BRAF: variants seen among roughly 807,000 people sequenced by gnomAD.
BRAF encodes the protein serine/threonine-protein kinase B-raf.
Under a neutral mutation model 104.6 loss-of-function variants are expected in BRAF, and 16 were observed. That is an observed-to-expected ratio of 0.15 (90% CI 0.10 to 0.23). The LOEUF is 0.23. BRAF is among the 10% of genes least tolerant of loss of function. The probability of loss-of-function intolerance (pLI) is 1.00; values close to 1 mark genes in which losing one functional copy is unlikely to be tolerated. For missense variants in BRAF, 541 were observed against 937.3 expected (o/e 0.58, Z 5.52); for synonymous variants, 310 against 341.6 (o/e 0.91, Z 1.02).
intron 1 of BRAF, among the ~76,000 whole-genome samples, chr7:140,907,984 A>T (rs1257174727): frequency 6.6e-6 from 1 of 152,006 alleles, no homozygotes; most frequent in Non-Finnish European, 1.5e-5. Context: ...ACCTCAGGTG[A>T]TCCGCCTGCC....
intron 19 of BRAF, among the ~76,000 whole-genome samples, chr7:140,728,007 C>G (rs1795708855): frequency 6.6e-6 from 1 of 152,180 alleles, no homozygotes; most frequent in Non-Finnish European, 1.5e-5. Context: ...CAGGAATAAC[C>G]TATCTAATTT....
intron 2 of BRAF, among the ~76,000 whole-genome samples, chr7:140,846,091 A>T (rs1808514070): frequency 6.6e-6 from 1 of 152,144 alleles, no homozygotes; most frequent in African/African-American, 2.4e-5. Context: ...TGCTACAGAA[A>T]AAGGTGTGGC....
intron 3 of BRAF, among the ~76,000 whole-genome samples, chr7:140,831,641 G>T (rs929529072): frequency 6.6e-6 from 1 of 152,074 alleles, no homozygotes; most frequent in Non-Finnish European, 1.5e-5. Context: ...AGGCTATACT[G>T]GGGACTCAGG....
chr7:140,909,374 C>T (rs1007489865), intron 1 of BRAF, among the ~76,000 whole-genome samples: 5 of 151,950 alleles, frequency 3.3e-5, no homozygotes, highest in Admixed American at 1.3e-4. Context: ...TTGGTGAGCA[C>T]GCCATTGTAC....
rs969992294 is a variant in BRAF, at chr7:140,719,412, A to C, written c.*7082T>G. ...ACATAGAACTTTTTTTGCCTTTTAT[A>C]TAATACAGTTTTTAAATAACTTTAC... On this transcript the variant is annotated 3_prime_UTR_variant, in exon 20 of 20. Coordinates refer to ENST00000644969, the MANE Select transcript of BRAF (RefSeq NM_001374258.1). 9.9e-7 allele frequency: 1 copy of C among 1,006,452 alleles called. No individual in the cohort carries two copies. The allele number at this position is 1,006,452 out of a possible 1,614,324, so 62.3% of individuals were successfully genotyped here.
chr7:140,818,880 C>G (rs1805173444), intron 3 of BRAF, among the ~76,000 whole-genome samples: 1 of 152,196 alleles, frequency 6.6e-6, no homozygotes, highest in African/African-American at 2.4e-5. Flanking sequence ...ATACTGAAGA[C>G]AGCTTACCTA....
chr7:140,890,011 G>A (rs916486971), intron 1 of BRAF, among the ~76,000 whole-genome samples: 1 of 152,200 alleles, frequency 6.6e-6, no homozygotes, highest in Non-Finnish European at 1.5e-5. Context: ...GGGTTGTGGT[G>A]AAGACTTATG....
chr7:140,759,439 T>A (rs1191304212), intron 14 of BRAF, among the ~76,000 whole-genome samples: 1 of 152,182 alleles, frequency 6.6e-6, no homozygotes, highest in Non-Finnish European at 1.5e-5. Context: ...CAGGCTGGAG[T>A]GCAATGGCAC....
intron 1 of BRAF, among the ~76,000 whole-genome samples, chr7:140,909,853 T>C (rs1383148465): frequency 1.3e-5 from 2 of 151,164 alleles, no homozygotes; most frequent in Non-Finnish European, 2.9e-5. Context: ...AACAAAAAAG[T>C]GCCTCATACA....
Position 140,724,321 on chromosome 7 carries a change from A to G in BRAF, c.*2173T>C. 7 of 1,056,104 alleles carry G rather than the reference A, an allele frequency of 6.6e-6. No individual in the cohort carries two copies. Among genetic ancestry groups the G allele is most frequent in the Non-Finnish European group, 8.0e-6 (7 of 873,558 alleles). The allele number at this position is 1,056,104 out of a possible 1,614,324, so 65.4% of individuals were successfully genotyped here. ...GGTCTCTCTACCTGCGGAAACTTGAAGCCAATCTTGGTAAAGGGAACACAG... is the reference window on the plus strand; with the variant it reads ...GGTCTCTCTACCTGCGGAAACTTGAGGCCAATCTTGGTAAAGGGAACACAG... On this transcript the variant is annotated 3_prime_UTR_variant, in exon 20 of 20. Coordinates refer to ENST00000644969, the MANE Select transcript of BRAF (RefSeq NM_001374258.1).
chr7:140,826,761 A>G (rs939532884), intron 3 of BRAF, among the ~76,000 whole-genome samples: 2 of 152,208 alleles, frequency 1.3e-5, no homozygotes, highest in African/African-American at 4.8e-5. Flanking sequence ...TTATACATGT[A>G]ATTCCTAAGA....
At chr7:140,915,382 G>GA (rs1045310834) in intron 1 of BRAF, among the ~76,000 whole-genome samples, 1 of 148,570 alleles carries the variant, frequency 6.7e-6, no homozygotes, top group Non-Finnish European at 1.5e-5. Context: ...TTTAGTGCAA[G>GA]AAAAAATATA....
Position 140,725,327 on chromosome 7 carries a change from C to T in BRAF, c.*1167G>A, listed in dbSNP as rs556294386. Reference sequence around the variant, plus strand: ...AATATTTGTCATTATGCTAAGACTCCTCATATTTAGGTAGAGAAAAGGATA... The same window carrying T: ...AATATTTGTCATTATGCTAAGACTCTTCATATTTAGGTAGAGAAAAGGATA... On this transcript the variant is annotated 3_prime_UTR_variant, in exon 20 of 20. Coordinates refer to ENST00000644969, the MANE Select transcript of BRAF (RefSeq NM_001374258.1). The T allele has an allele frequency of 6.8e-5, 69 of 1,014,596 alleles. No individual in the cohort carries two copies. In the Admixed American group the frequency reaches 8.4e-4, roughly 12 times the overall value. The allele number at this position is 1,014,596 out of a possible 1,614,324, so 62.8% of individuals were successfully genotyped here.
intron 14 of BRAF, among the ~76,000 whole-genome samples, 179 bp downstream of exon 13, chr7:140,776,732 TG>T (rs1800371850): frequency 6.6e-6 from 1 of 152,232 alleles, no homozygotes; most frequent in Non-Finnish European, 1.5e-5. Flanking sequence ...TTCTGAAGGC[TG>T]CACTAGACAG....
At chr7:140,906,098 A>AAAAAAAAAAAG (rs1816290831) in intron 1 of BRAF, among the ~76,000 whole-genome samples, 1 of 150,124 alleles carries the variant, frequency 6.7e-6, no homozygotes, top group Non-Finnish European at 1.5e-5. Flanking sequence ...AAAAAAAAAA[A>AAAAAAAAAAAG]AAAAAAAAAA....
chr7:140,799,688 A>G (rs547735470), intron 7 of BRAF: 1 of 232,656 alleles, frequency 4.3e-6, no homozygotes, highest in African/African-American at 2.2e-5. Context: ...TTTCCTGAGC[A>G]CTCTCTTTTT....
Position 140,720,298 on chromosome 7 carries a change from T to C in BRAF, c.*6196A>G, listed in dbSNP as rs925712493. 24 of 1,062,616 alleles carry C rather than the reference T, an allele frequency of 2.3e-5. No homozygotes were observed. The African/African-American group carries it at 3.1e-4, about 14-fold the overall frequency. 65.8% of individuals were successfully genotyped at this position (1,062,616 alleles called of 1,614,324 possible). A position where few individuals can be genotyped will look rare whatever the true frequency, so the allele number is the denominator to read the frequency against. On this transcript the variant is annotated 3_prime_UTR_variant, in exon 20 of 20. Transcript: ENST00000644969. ...ATGAAGGCCAAACTGAGTCTATATA[T>C]GTGGCATGGCCAAAGGAAACACGGA...
chr7:140,904,242 C>T (rs1052413896), intron 1 of BRAF, among the ~76,000 whole-genome samples: 10 of 152,190 alleles, frequency 6.6e-5, no homozygotes, highest in African/African-American at 2.4e-4. Context: ...GCCATCCTAT[C>T]CTTCAGTAAC....
rs35621209 is a variant in BRAF at position 140,770,527 on chromosome 7, C to CAAAAA, written c.1814+6380_1814+6384dup. Among the ~76,000 whole-genome samples the CAAAAA allele has an allele frequency of 1.1e-3, 72 of 63,530 alleles. 2 individuals are homozygous for CAAAAA. The highest frequency in any genetic ancestry group is 2.8e-3 in the African/African-American group (62 of 22,474). 41.7% of individuals were successfully genotyped at this position (63,530 alleles called of 152,430 possible). ...ATTATACTGAAATTATAAGGCCTGCCAAAAAAAAAAAAAAAAAAAGGCACA... is the reference window on the plus strand; with the variant it reads ...ATTATACTGAAATTATAAGGCCTGCCAAAAAAAAAAAAAAAAAAAAAAAAGGCACA... On this transcript the variant is annotated intron_variant, in intron 14 of 19. Transcript: ENST00000644969.
Sources: allele counts gnomAD v4.1 joint callset (sites outside exome capture counted in the v4.1 genomes callset), GRCh38; gene constraint gnomAD v4.1.1; transcripts MANE v1.5; gene names NCBI Gene and HGNC (gene_info 2026-07-23, HGNC 2026-07-21).